The following IL1RAPL2 variants were observed in gnomAD, a reference collection of about 807,000 sequenced individuals.
IL1RAPL2 encodes X-linked interleukin-1 receptor accessory protein-like 2.
Under a neutral mutation model 44.1 loss-of-function variants are expected in IL1RAPL2, and 3 were observed. That is an observed-to-expected ratio of 0.07 (90% CI 0.03 to 0.18). The LOEUF (loss-of-function observed/expected upper bound fraction) is 0.18, where lower values mean the gene tolerates loss of function less well. Ranked by LOEUF, IL1RAPL2 falls within the 10% of genes least tolerant of loss-of-function variation. The probability of loss-of-function intolerance (pLI) is 1.00; values close to 1 mark genes in which losing one functional copy is unlikely to be tolerated. For missense variants in IL1RAPL2, 391 were observed against 496.4 expected (o/e 0.79, Z 2.02); for synonymous variants, 181 against 178.8 (o/e 1.01, Z -0.10).
At chrX:105,058,055 TC>T (rs2032019977) in intron 2 of IL1RAPL2, among the ~76,000 whole-genome samples, 1 of 108,721 alleles carries the variant, frequency 9.2e-6, no homozygotes. Context: ...TTCACGCCAT[TC>T]TCCTGCCTCA....
chrX:105,664,586 G>C (rs1450906857), intron 6 of IL1RAPL2, among the ~76,000 whole-genome samples: 1 of 111,479 alleles, frequency 9.0e-6, no homozygotes, highest in Non-Finnish European at 1.9e-5. Context: ...AAGTTCTTTT[G>C]ATATTGAACA....
At chrX:105,054,007 A>C (rs2031960871) in intron 2 of IL1RAPL2, among the ~76,000 whole-genome samples, 1 of 111,225 alleles carries the variant, frequency 9.0e-6, no homozygotes, top group African/African-American at 3.3e-5. Flanking sequence ...CTCGAAAAAT[A>C]AAATAAAATA....
intron 5 of IL1RAPL2, among the ~76,000 whole-genome samples, chrX:105,331,180 C>T (rs988919251): frequency 1.7e-4 from 19 of 111,352 alleles, no homozygotes; most frequent in Non-Finnish European, 2.6e-4. Flanking sequence ...TTTCTTACAA[C>T]ACACAGAACA....
chrX:105,442,228 G>A (rs1449162956), intron 5 of IL1RAPL2, among the ~76,000 whole-genome samples: 1 of 108,438 alleles, frequency 9.2e-6, no homozygotes, highest in African/African-American at 3.4e-5. Context: ...TTTCGTTTTT[G>A]TATTTTTAGT....
intron 7 of IL1RAPL2, among the ~76,000 whole-genome samples, chrX:105,724,462 G>C (rs1326365685): frequency 4.5e-5 from 5 of 110,518 alleles, no homozygotes; most frequent in Non-Finnish European, 9.4e-5. Flanking sequence ...TGGGCATACA[G>C]ATTCCCCTTT....
intron 6 of IL1RAPL2, among the ~76,000 whole-genome samples, chrX:105,646,157 G>A (rs182794590): frequency 9.0e-6 from 1 of 111,555 alleles, no homozygotes; most frequent in East Asian, 2.8e-4. Context: ...GGTAAAGGCA[G>A]GGTTGTATTA....
At chrX:104,961,090 TGACA>T (rs1299890936) in intron 2 of IL1RAPL2, among the ~76,000 whole-genome samples, 2 of 111,348 alleles carry the variant, frequency 1.8e-5, no homozygotes, top group Non-Finnish European at 3.8e-5. Flanking sequence ...GATAATTGGA[TGACA>T]GACAGAAGAG....
chrX:105,497,653 A>T (rs1428016232), intron 6 of IL1RAPL2, among the ~76,000 whole-genome samples: 1 of 111,769 alleles, frequency 8.9e-6, no homozygotes, highest in African/African-American at 3.3e-5. Flanking sequence ...AACTCTGATC[A>T]ATGTAAATGC....
At chrX:105,057,209 T>C (rs2032005525) in intron 2 of IL1RAPL2, among the ~76,000 whole-genome samples, 1 of 112,504 alleles carries the variant, frequency 8.9e-6, no homozygotes, top group Non-Finnish European at 1.9e-5. Context: ...TCTGTAAGCA[T>C]ACTAGTTAAT....
chrX:105,327,495 G>A (rs1335676930), intron 5 of IL1RAPL2, among the ~76,000 whole-genome samples: 2 of 111,771 alleles, frequency 1.8e-5, no homozygotes, highest in African/African-American at 3.3e-5. Context: ...GCTGAATCAT[G>A]GTTGTTTCTA....
chrX:105,518,340 A>G (rs2036530793), intron 6 of IL1RAPL2, among the ~76,000 whole-genome samples: 1 of 111,289 alleles, frequency 9.0e-6, no homozygotes, highest in African/African-American at 3.3e-5. Flanking sequence ...CCCTAGCAAA[A>G]ATAAAGTGCT....
intron 2 of IL1RAPL2, among the ~76,000 whole-genome samples, chrX:105,020,692 T>C (rs772601724): frequency 8.9e-6 from 1 of 111,866 alleles, no homozygotes; most frequent in African/African-American, 3.2e-5. Flanking sequence ...GCTCTCAATA[T>C]GTGTTAGCTC....
At chrX:105,366,983 T>A (rs7886148) in intron 5 of IL1RAPL2, among the ~76,000 whole-genome samples, 23,465 of 111,272 alleles carry the variant, frequency 0.21, 6,035 homozygotes, top group African/African-American at 0.73. Context: ...CTCCATTTAG[T>A]TCTATATTTG....
chrX:104,955,676 C>T (rs1026581718), intron 2 of IL1RAPL2, among the ~76,000 whole-genome samples: 2 of 109,955 alleles, frequency 1.8e-5, no homozygotes, highest in African/African-American at 6.6e-5. Flanking sequence ...ATTATGTTCT[C>T]CAAGAATTCT....
intron 2 of IL1RAPL2, among the ~76,000 whole-genome samples, chrX:104,828,779 A>G (rs1321489762): frequency 1.2e-4 from 13 of 112,517 alleles, no homozygotes; most frequent in Admixed American, 3.7e-4. Flanking sequence ...AGTTTTATCT[A>G]TAAGCCCCTG....
At chrX:105,626,405 G>C (rs1479074135) in intron 6 of IL1RAPL2, among the ~76,000 whole-genome samples, 1 of 110,854 alleles carries the variant, frequency 9.0e-6, no homozygotes, top group Non-Finnish European at 1.9e-5. Flanking sequence ...GTCCCAGGAG[G>C]AACTTGTACT....
At chrX:104,653,109 G>A (rs1033101677) in intron 1 of IL1RAPL2, among the ~76,000 whole-genome samples, 1 of 111,013 alleles carries the variant, frequency 9.0e-6, no homozygotes, top group Non-Finnish European at 1.9e-5. Flanking sequence ...AGTTATAACA[G>A]CCTGCTGATG....
Position 105,545,490 on chromosome X carries a change from A to AT in IL1RAPL2, c.772+61109dup, listed in dbSNP as rs2036786875. On this transcript the variant is annotated intron_variant, in intron 6 of 10. Transcript: ENST00000372582. Reference sequence around the variant, plus strand: ...ATTCTTATCCAAATTAATCACTTTGATTTTTTGTGGGAGAGGCAGGGGTTT... The same window carrying AT: ...ATTCTTATCCAAATTAATCACTTTGATTTTTTTGTGGGAGAGGCAGGGGTTT... Among the ~76,000 whole-genome samples the AT allele has an allele frequency of 1.8e-5, 2 of 112,192 alleles. 1 individual carries two copies. The highest frequency in any genetic ancestry group is 1.9e-4 in the Admixed American group (2 of 10,609).
At chrX:105,340,544 C>T (rs910664112) in intron 5 of IL1RAPL2, among the ~76,000 whole-genome samples, 20 of 112,137 alleles carry the variant, frequency 1.8e-4, no homozygotes, top group Middle Eastern at 4.6e-3. Context: ...CTCCTTCACT[C>T]CCTTCACTTC....
Sources: gnomAD v4.1 joint callset for allele counts (sites outside exome capture counted in the v4.1 genomes callset) on GRCh38, gnomAD v4.1.1 for gene constraint, MANE v1.5 for transcripts, NCBI Gene and HGNC (gene_info 2026-07-23, HGNC 2026-07-21) for gene names.